Variants in ZNG1C observed in about 807,000 individuals in gnomAD.
The protein encoded by ZNG1C is Zn regulated GTPase metalloprotein activator 1C.
At chr9:68,276,431 G>GT in the ZNG1C span, among the ~76,000 whole-genome samples, 1 of 95,584 alleles carries the variant, frequency 1.0e-5, no homozygotes, top group African/African-American at 3.9e-5. Flanking sequence ...GGTTTTTATG[G>GT]TTTTAGGTCG....
chr9:68,260,483 A>T, the ZNG1C span, among the ~76,000 whole-genome samples: 3 of 132,226 alleles, frequency 2.3e-5, 1 homozygote, highest in East Asian at 6.2e-4. Context: ...TTAAATCAGT[A>T]TACCTACACA....
the ZNG1C span, among the ~76,000 whole-genome samples, chr9:68,281,601 A>T: frequency 5.4e-3 from 332 of 61,702 alleles, 14 homozygotes; most frequent in African/African-American, 0.01. Flanking sequence ...TCACTCTTTA[A>T]AACTGAAGCT....
At chr9:68,259,460 G>GT in the ZNG1C span, 1 of 373,674 alleles carries the variant, frequency 2.7e-6, no homozygotes, top group Non-Finnish European at 5.0e-6. Context: ...TTTAAATTCA[G>GT]TGTTTAAAAA....
chr9:68,287,044 G>A, the ZNG1C span, among the ~76,000 whole-genome samples: 3 of 152,320 alleles, frequency 2.0e-5, no homozygotes, highest in East Asian at 3.9e-4. Flanking sequence ...AAAAGATGAA[G>A]CAAACGCAGT....
the ZNG1C span, among the ~76,000 whole-genome samples, chr9:68,264,859 A>G: frequency 1.2e-5 from 1 of 83,838 alleles, no homozygotes; most frequent in South Asian, 4.7e-4. Flanking sequence ...ATATATATGT[A>G]TAATAATAAT....
At chr9:68,297,109 A>AT in the ZNG1C span, among the ~76,000 whole-genome samples, 126 of 148,966 alleles carry the variant, frequency 8.5e-4, 4 homozygotes, top group East Asian at 0.023. Flanking sequence ...TGGGTAGCTT[A>AT]TTTTTTTGAC....
At chr9:68,273,913 C>T in the ZNG1C span, 1 of 127,956 alleles carries the variant, frequency 7.8e-6, no homozygotes, top group Non-Finnish European at 1.7e-5. Flanking sequence ...AATCTCGGCT[C>T]ACTGCAACCT....
At chr9:68,281,500 A>G in the ZNG1C span, among the ~76,000 whole-genome samples, 4 of 99,584 alleles carry the variant, frequency 4.0e-5, no homozygotes, top group Non-Finnish European at 8.7e-5. Context: ...AACATCTAAC[A>G]TGAGATCTAC....
chr9:68,296,636 A>T, the ZNG1C span, among the ~76,000 whole-genome samples: 2 of 152,202 alleles, frequency 1.3e-5, no homozygotes, highest in East Asian at 3.8e-4. Context: ...AAGTTATGCA[A>T]AGATGTGCTT....
chr9:68,288,663 T>TTA, the ZNG1C span, among the ~76,000 whole-genome samples: 1 of 119,704 alleles, frequency 8.4e-6, no homozygotes, highest in East Asian at 2.3e-4. Flanking sequence ...TTTTTTTTTT[T>TTA]TTTTTTTTTT....
At chr9:68,292,286 C>G in the ZNG1C span, among the ~76,000 whole-genome samples, 2 of 134,638 alleles carry the variant, frequency 1.5e-5, no homozygotes, top group African/African-American at 2.8e-5. Flanking sequence ...TTAACACCCC[C>G]CAAAAAATCA....
the ZNG1C span, among the ~76,000 whole-genome samples, chr9:68,281,168 T>G: frequency 9.9e-5 from 15 of 151,630 alleles, no homozygotes; most frequent in Non-Finnish European, 2.1e-4. Context: ...GCTTCCCAAG[T>G]GAGACAATGC....
the ZNG1C span, among the ~76,000 whole-genome samples, chr9:68,290,850 G>GT: frequency 1.2e-4 from 17 of 143,688 alleles, no homozygotes; most frequent in African/African-American, 4.0e-4. Context: ...TATAAAAATA[G>GT]TTTTAAAATA....
chr9:68,269,085 G>A, the ZNG1C span: 1 of 1,351,742 alleles, frequency 7.4e-7, no homozygotes, highest in Non-Finnish European at 9.9e-7. Flanking sequence ...AAAGATCTAA[G>A]TGCATTTAAA....
the ZNG1C span, among the ~76,000 whole-genome samples, chr9:68,297,065 A>G: frequency 6.6e-6 from 1 of 150,508 alleles, no homozygotes; most frequent in African/African-American, 2.4e-5. Flanking sequence ...TAAGAGAACA[A>G]ATTTACTTTG....
chr9:68,287,514 C>G, the ZNG1C span, among the ~76,000 whole-genome samples: 1 of 152,292 alleles, frequency 6.6e-6, no homozygotes, highest in Non-Finnish European at 1.5e-5. Flanking sequence ...TTTATTTCAC[C>G]TATCCTCCCA....
At chr9:68,264,821 T>TTTTATATATATATA in the ZNG1C span, among the ~76,000 whole-genome samples, 84 of 24,888 alleles carry the variant, frequency 3.4e-3, no homozygotes, top group African/African-American at 4.1e-3. Flanking sequence ...GGATTGAAGA[T>TTTTATATATATATA]TATATATATA....
chr9:68,264,860 TA>T, the ZNG1C span, among the ~76,000 whole-genome samples: 1 of 86,124 alleles, frequency 1.2e-5, no homozygotes, highest in African/African-American at 4.3e-5. Context: ...TATATATGTA[TA>T]ATAATAATTA....
the ZNG1C span, chr9:68,272,482 C>T: frequency 6.5e-5 from 4 of 61,832 alleles, no homozygotes; most frequent in Admixed American, 3.7e-4. Flanking sequence ...GAAAAGATCT[C>T]ATGGTTTTAT....
Sources: gnomAD v4.1 joint callset for allele counts (sites outside exome capture counted in the v4.1 genomes callset) on GRCh38, gnomAD v4.1.1 for gene constraint, MANE v1.5 for transcripts, NCBI Gene and HGNC (gene_info 2026-07-23, HGNC 2026-07-21) for gene names.